The following DLG2 variants were observed in gnomAD, a reference collection of about 807,000 sequenced individuals.
DLG2 encodes the protein disks large homolog 2.
Under a neutral mutation model 132.5 loss-of-function variants are expected in DLG2, and 45 were observed. The ratio of observed to expected loss-of-function variants is 0.34; its 90% CI spans 0.27 to 0.44. The LOEUF (loss-of-function observed/expected upper bound fraction) is 0.44, where lower values mean the gene tolerates loss of function less well. Among genes scored for constraint, DLG2 ranks in the 20% least tolerant of loss-of-function variants. The pLI is 1.00. For synonymous variants in DLG2, 424 were observed against 419.6 expected (o/e 1.01, Z -0.13); for missense variants, 1,045 against 1,196.9 (o/e 0.87, Z 1.87).
chr11:83,724,756 GGGA>G, intron 18 of DLG2: 1 of 670,976 alleles, frequency 1.5e-6, no homozygotes, highest in South Asian at 1.6e-5. Flanking sequence ...AGGAAGGAAA[GGGA>G]GGAGAATCTG....
chr11:84,205,250 C>T (rs1361214263), intron 8 of DLG2, among the ~76,000 whole-genome samples: 1 of 152,106 alleles, frequency 6.6e-6, no homozygotes, highest in Non-Finnish European at 1.5e-5. Flanking sequence ...GGAGCAAAAA[C>T]TTACAAAACT....
intron 7 of DLG2, chr11:84,437,415 G>C (rs1312546026): frequency 2.0e-5 from 3 of 152,126 alleles, no homozygotes; most frequent in African/African-American, 7.2e-5. Context: ...TCCTGGCATT[G>C]TGCACGAACC....
chr11:84,343,054 T>G (rs1246404728), intron 7 of DLG2, among the ~76,000 whole-genome samples: 1 of 152,090 alleles, frequency 6.6e-6, no homozygotes, highest in Non-Finnish European at 1.5e-5. Context: ...GACAATACAG[T>G]GCAACAAAAA....
At chr11:85,437,242 A>G (rs2091533746) in intron 3 of DLG2, among the ~76,000 whole-genome samples, 1 of 151,898 alleles carries the variant, frequency 6.6e-6, no homozygotes. Flanking sequence ...GGTGCAGCAA[A>G]CCACCATGCC....
In DLG2 at chr11:83,936,314, T is replaced by G. The variant is rs916789877; in HGVS notation, c.1341-5831A>C. On this transcript the variant is annotated intron_variant, in intron 14 of 27. Coordinates refer to ENST00000376104, the MANE Select transcript of DLG2 (RefSeq NM_001142699.3). ...GGTAATTGATCCTCTTTAATAGCCC[T>G]GGAGGTTGATGACCACTTTCTCTGT... Among the ~76,000 whole-genome samples the G allele has an allele frequency of 7.2e-5, 11 of 152,216 alleles. No individual in the cohort carries two copies. In the East Asian group the frequency reaches 1.9e-3, roughly 27 times the overall value.
chr11:83,895,407 G>A (rs190307280), intron 15 of DLG2, among the ~76,000 whole-genome samples: 8 of 152,178 alleles, frequency 5.3e-5, no homozygotes, highest in Admixed American at 2.6e-4. Context: ...TGATCCGCCC[G>A]CCTCGGCTTT....
At chr11:84,591,243 G>GTGTGTA (rs2099542292) in intron 6 of DLG2, among the ~76,000 whole-genome samples, 1 of 150,460 alleles carries the variant, frequency 6.6e-6, no homozygotes, top group South Asian at 2.1e-4. Flanking sequence ...GTGTGTGTGT[G>GTGTGTA]TGTGTGTGTG....
intron 6 of DLG2, among the ~76,000 whole-genome samples, chr11:84,834,848 G>T (rs1483673298): frequency 6.6e-6 from 1 of 150,748 alleles, no homozygotes; most frequent in Admixed American, 6.6e-5. Context: ...TTTCTCCAGG[G>T]CAACATTTCC....
chr11:84,693,957 C>T (rs2058337253), intron 6 of DLG2, among the ~76,000 whole-genome samples: 1 of 151,584 alleles, frequency 6.6e-6, no homozygotes, highest in East Asian at 1.9e-4. Flanking sequence ...GTTTTTTGTT[C>T]ATGGCGCCAT....
intron 5 of DLG2, among the ~76,000 whole-genome samples, chr11:85,114,259 G>A (rs1198211805): frequency 1.3e-5 from 2 of 151,906 alleles, no homozygotes; most frequent in Non-Finnish European, 1.5e-5. Flanking sequence ...AAGAGTAGGA[G>A]GTCAGCTCCT....
chr11:83,659,121 T>G (rs2073562979), intron 18 of DLG2, among the ~76,000 whole-genome samples: 1 of 152,364 alleles, frequency 6.6e-6, no homozygotes, highest in South Asian at 2.1e-4. Context: ...CAACAATGAT[T>G]ATGGGATAAC....
At chr11:83,911,093 A>G (rs1422904401) in intron 15 of DLG2, among the ~76,000 whole-genome samples, 3 of 152,142 alleles carry the variant, frequency 2.0e-5, no homozygotes, top group South Asian at 4.1e-4. Flanking sequence ...TGCTCAAGAA[A>G]AAAAGTGATG....
At chr11:84,959,707 T>A (rs558554397) in intron 6 of DLG2, among the ~76,000 whole-genome samples, 1 of 152,306 alleles carries the variant, frequency 6.6e-6, no homozygotes, top group Non-Finnish European at 1.5e-5. Context: ...ATAATATTAA[T>A]CACTTATTTA....
intron 7 of DLG2, among the ~76,000 whole-genome samples, chr11:84,292,746 T>G (rs538847284): frequency 1.3e-5 from 2 of 152,266 alleles, no homozygotes; most frequent in Non-Finnish European, 2.9e-5. Context: ...AGGTGGTACT[T>G]CTTATTTTTT....
At chr11:84,752,702 A>G (rs536141964) in intron 6 of DLG2, among the ~76,000 whole-genome samples, 154 of 133,490 alleles carry the variant, frequency 1.2e-3, no homozygotes, top group African/African-American at 4.0e-3. Context: ...ATATCTCCCA[A>G]TGCTATCCCT....
At chr11:85,112,961 A>G (rs2073012137) in intron 5 of DLG2, among the ~76,000 whole-genome samples, 1 of 152,030 alleles carries the variant, frequency 6.6e-6, no homozygotes, top group Non-Finnish European at 1.5e-5. Flanking sequence ...CTCCTATCAC[A>G]CTAAAATTTT....
At chr11:84,378,954 TCAAAAA>T (rs1028202041) in intron 7 of DLG2, among the ~76,000 whole-genome samples, 4 of 146,724 alleles carry the variant, frequency 2.7e-5, no homozygotes, top group South Asian at 2.2e-4. Flanking sequence ...CAAAAACATC[TCAAAAA>T]CAAAAACAAA....
intron 14 of DLG2, among the ~76,000 whole-genome samples, chr11:83,943,108 C>T (rs1418514294): frequency 1.3e-5 from 2 of 152,144 alleles, no homozygotes; most frequent in African/African-American, 4.8e-5. Flanking sequence ...CTTCCTCAGC[C>T]ACGTGGAACT....
At chr11:84,252,674 C>T (rs1215861031) in intron 7 of DLG2, among the ~76,000 whole-genome samples, 1 of 152,172 alleles carries the variant, frequency 6.6e-6, no homozygotes, top group African/African-American at 2.4e-5. Flanking sequence ...TTTGCATCAC[C>T]AGTCTAACTT....
Sources: gnomAD v4.1 joint callset for allele counts (sites outside exome capture counted in the v4.1 genomes callset) on GRCh38, gnomAD v4.1.1 for gene constraint, MANE v1.5 for transcripts, NCBI Gene and HGNC (gene_info 2026-07-23, HGNC 2026-07-21) for gene names.